The following BIRC6 variants were observed in gnomAD, a reference collection of about 807,000 sequenced individuals.
BIRC6 encodes dual E2 ubiquitin-conjugating enzyme/E3 ubiquitin-protein ligase BIRC6.
BIRC6 carries 98 observed loss-of-function variants against 503.3 expected under a neutral mutation model. That is an observed-to-expected ratio of 0.19 (90% CI 0.17 to 0.23). The LOEUF (loss-of-function observed/expected upper bound fraction) is 0.23, where lower values mean the gene tolerates loss of function less well. Ranked by LOEUF, BIRC6 falls within the 10% of genes least tolerant of loss-of-function variation. The pLI, the probability that BIRC6 is intolerant of heterozygous loss-of-function variation, is 1.00. For missense variants in BIRC6, 5,360 were observed against 5,806.0 expected (o/e 0.92, Z 2.50); for synonymous variants, 2,240 against 2,078.7 (o/e 1.08, Z -2.11).
At chr2:32,477,711 C>G in intron 35 of BIRC6, 128 bp downstream of exon 35, 1 of 374,392 alleles carries the variant, frequency 2.7e-6, no homozygotes, top group Non-Finnish European at 4.2e-6. Flanking sequence ...CTAGTGTGGG[C>G]AATGTGGCAA....
rs181614752 is a variant in BIRC6, at chr2:32,415,031, C to G, written c.1740C>G (p.Thr580=). 2 of 1,613,850 alleles carry G rather than the reference C, an allele frequency of 1.2e-6. No individual in the cohort carries two copies. The highest frequency in any genetic ancestry group is 2.2e-5 in the East Asian group (1 of 44,868). Residue 580 remains threonine, a synonymous_variant, in exon 10 of 74, where the codon ACC becomes ACG. Transcript: ENST00000421745. The part of the protein sequence containing the change: ...GGLLTYKSPA[T]SPISSNSHRS... ...TATTAACATATAAATCTCCTGCTAC[C>G]TCACCCATTAGTAGTAATTCTCACA...
rs1491325143 is a variant in BIRC6, at chr2:32,461,344, G to GTA, written c.4754-1849_4754-1848insAT. On this transcript the variant is annotated intron_variant, in intron 23 of 73. Coordinates refer to ENST00000421745, the MANE Select transcript of BIRC6 (RefSeq NM_016252.4). ...AGGCTTGTGCCACCATGCCTGGCTA[G>GTA]TGTGTGTGTGTGTGTGTGTGTGTGT... Among the ~76,000 whole-genome samples, 32 of 40,486 alleles carry GTA rather than the reference G, an allele frequency of 7.9e-4. 1 individual carries two copies. Among genetic ancestry groups the GTA allele is most frequent in the Admixed American group, 6.5e-3 (27 of 4,156 alleles). 26.6% of individuals were successfully genotyped at this position (40,486 alleles called of 152,430 possible).
Position 32,597,830 on chromosome 2 carries a change from A to G in BIRC6, c.13692A>G (p.Lys4564=), listed in dbSNP as rs2151467490. 1 of 1,613,832 alleles carries G rather than the reference A, an allele frequency of 6.2e-7. No homozygotes were observed. Among genetic ancestry groups the G allele is most frequent in the Non-Finnish European group, 8.5e-7 (1 of 1,179,766 alleles). ...ATTACCACTACATGTCTCAGGTGAA[A>G]AATGCTAATGATGCGAACAGTGCTG... ...KVNYHYMSQV[K]NANDANSAAR... is the part of the protein sequence containing the mutation. The change falls in exon 69 of 74, where the codon AAA becomes AAG. Residue 4564 remains lysine, a synonymous_variant. Coordinates refer to ENST00000421745, the MANE Select transcript of BIRC6 (RefSeq NM_016252.4).
At chr2:32,473,850 C>T (rs953355731) in intron 33 of BIRC6, among the ~76,000 whole-genome samples, 1 of 149,836 alleles carries the variant, frequency 6.7e-6, no homozygotes, top group African/African-American at 2.5e-5. Flanking sequence ...AATTCCTGGG[C>T]TCAAGCAGTC....
In BIRC6 at chr2:32,365,371, G is replaced by A. The variant is rs113889182; in HGVS notation, c.325+7885G>A. 3.5e-3 allele frequency among the ~76,000 whole-genome samples: 531 copies of A among 149,980 alleles called. 4 individuals are homozygous for A. Among genetic ancestry groups the A allele is most frequent in the African/African-American group, 0.012 (478 of 40,656 alleles). Reference sequence around the variant, plus strand: ...AGGTCGCCCTGTCGCCCAGGCTGGAGTGCAATGGCGCGATCTCAGCTCACT... The same window carrying A: ...AGGTCGCCCTGTCGCCCAGGCTGGAATGCAATGGCGCGATCTCAGCTCACT... On this transcript the variant is annotated intron_variant, in intron 1 of 73. Coordinates refer to ENST00000421745, the MANE Select transcript of BIRC6 (RefSeq NM_016252.4).
At chr2:32,386,829 T>C (rs1254562299) in intron 3 of BIRC6, among the ~76,000 whole-genome samples, 1 of 152,136 alleles carries the variant, frequency 6.6e-6, no homozygotes, top group African/African-American at 2.4e-5. Context: ...GAAGGAAAGT[T>C]CTAGGGGCTT....
Position 32,430,826 on chromosome 2 carries a change from T to TTC in BIRC6, c.3023-39_3023-38insTC, listed in dbSNP as rs1553421812. The TTC allele has an allele frequency of 2.7e-4, 250 of 939,226 alleles. 1 individual carries two copies. The highest frequency in any genetic ancestry group is 4.6e-4 in the African/African-American group (27 of 59,330). The allele number at this position is 939,226 out of a possible 1,614,324, so 58.2% of individuals were successfully genotyped here. On this transcript the variant is annotated intron_variant, in intron 11 of 73. Transcript: ENST00000421745. ...TCTTCTTTTTTTTTTTTTTTTTTTT[T>TTC]CCACACCTATTTCAAATACTGCTCT...
At chr2:32,561,001 C>T (rs2059136586) in intron 65 of BIRC6, among the ~76,000 whole-genome samples, 1 of 151,820 alleles carries the variant, frequency 6.6e-6, no homozygotes, top group Admixed American at 6.6e-5. Flanking sequence ...AGGTCGAGAC[C>T]AGCCTGGCCA....
intron 3 of BIRC6, among the ~76,000 whole-genome samples, chr2:32,382,116 A>G (rs952085746): frequency 1.3e-5 from 2 of 152,234 alleles, no homozygotes; most frequent in Admixed American, 6.5e-5. Context: ...AACTATAGGA[A>G]GCAGTTTTCA....
rs1414653535 is a variant in BIRC6 at position 32,531,271 on chromosome 2, G to T, written c.12095-84G>T. 2.5e-6 allele frequency: 3 copies of T among 1,195,246 alleles called. No individual in the cohort carries two copies. The East Asian group carries it at 7.6e-5, about 30-fold the overall frequency. The allele number at this position is 1,195,246 out of a possible 1,614,324, so 74.0% of individuals were successfully genotyped here. A position where few individuals can be genotyped will look rare whatever the true frequency, so the allele number is the denominator to read the frequency against. Reference sequence around the variant, plus strand: ...CTCTTTTTTGAGTAGCAAGAAAGCAGTAATACCTGCTTTTGTAAATGAAAG... The same window carrying T: ...CTCTTTTTTGAGTAGCAAGAAAGCATTAATACCTGCTTTTGTAAATGAAAG... On this transcript the variant is annotated intron_variant, in intron 60 of 73. Coordinates refer to ENST00000421745, the MANE Select transcript of BIRC6 (RefSeq NM_016252.4).
intron 61 of BIRC6, among the ~76,000 whole-genome samples, chr2:32,532,990 A>G (rs2056908277): frequency 6.6e-6 from 1 of 152,162 alleles, no homozygotes; most frequent in African/African-American, 2.4e-5. Flanking sequence ...TAAAAAAAAA[A>G]TCTAGATTAC....
chr2:32,375,586 C>T (rs777676564), intron 1 of BIRC6, among the ~76,000 whole-genome samples: 1 of 151,096 alleles, frequency 6.6e-6, no homozygotes, highest in African/African-American at 2.4e-5. Context: ...CATGCCAGGC[C>T]GAAAAAGCCA....
chr2:32,431,955 A>C (rs192963218), intron 12 of BIRC6, among the ~76,000 whole-genome samples: 1 of 152,334 alleles, frequency 6.6e-6, no homozygotes, highest in African/African-American at 2.4e-5. Context: ...AAAAAGAGAG[A>C]CAATGTGTAT....
chr2:32,478,642 C>G lies in BIRC6; in HGVS notation c.7076C>G (p.Ala2359Gly), dbSNP rs1485285053. ...DLLLFVCKVL[A>G]RIANATRPTI... ...TTATAAAATGTATTACAGGTTCTTG[C>G]ACGCATTGCAAATGCCACGAGGCCA... The change falls in exon 36 of 74, where the codon GCA becomes GGA. Residue 2359 changes from alanine to glycine, a missense_variant. Ala to Gly is a moderately conservative substitution (Grantham distance 60). Around this residue, in one of 16 missense-constraint regions of BIRC6, gnomAD observed 2,299 missense variants for 2,267.2 expected, o/e 1.01. Transcript: ENST00000421745. 6.2e-7 allele frequency: 1 copy of G among 1,610,018 alleles called. No individual in the cohort carries two copies. Among genetic ancestry groups the G allele is most frequent in the East Asian group, 2.2e-5 (1 of 44,844 alleles).
rs756266840 is a variant in BIRC6 at position 32,470,313 on chromosome 2, A to C, written c.6481+12A>C. 8.4e-6 allele frequency: 13 copies of C among 1,542,024 alleles called. No homozygotes were observed. In the South Asian group the frequency reaches 1.6e-4, roughly 19 times the overall value. ...TAGGAGGACAGAAGGTATTAAGAGAAAGCAGTGTTCTTTAGTAAAAACAAT... is the reference window on the plus strand; with the variant it reads ...TAGGAGGACAGAAGGTATTAAGAGACAGCAGTGTTCTTTAGTAAAAACAAT... On this transcript the variant is annotated intron_variant, in intron 31 of 73. Coordinates refer to ENST00000421745, the MANE Select transcript of BIRC6 (RefSeq NM_016252.4).
intron 73 of BIRC6, 70 bp from the exon 74 acceptor site, chr2:32,617,655 A>C (rs1439540419): frequency 1.4e-6 from 2 of 1,459,714 alleles, no homozygotes; most frequent in East Asian, 4.7e-5. Flanking sequence ...GTTGAAATTC[A>C]GTTCCTGCCT....
At chr2:32,468,221 C>A (rs1043286687) in intron 28 of BIRC6, 110 bp downstream of exon 28, 27 of 1,171,958 alleles carry the variant, frequency 2.3e-5, no homozygotes, top group Non-Finnish European at 3.0e-5. Flanking sequence ...GATAAGAGAG[C>A]AAGAGGAAGT....
At chr2:32,615,144 A>G (rs1015636131) in intron 73 of BIRC6, among the ~76,000 whole-genome samples, 1 of 152,094 alleles carries the variant, frequency 6.6e-6, no homozygotes, top group African/African-American at 2.4e-5. Flanking sequence ...TTCACTCACT[A>G]TCTCAGGACA....
rs549427402 is a variant in BIRC6, at chr2:32,594,952, G to A, written c.13502-82G>A. ...TTTGGAATTCACAATTTGAACTCTA[G>A]AGGTGAATTCTTTTTAGTTTTATTT... On this transcript the variant is annotated intron_variant, in intron 67 of 73. Transcript: ENST00000421745. The A allele has an allele frequency of 9.0e-5, 77 of 852,798 alleles. 1 individual carries two copies. In the East Asian group the frequency reaches 2.1e-3, roughly 23 times the overall value. 52.8% of individuals were successfully genotyped at this position (852,798 alleles called of 1,614,324 possible).
Sources: gnomAD v4.1 joint callset for allele counts (sites outside exome capture counted in the v4.1 genomes callset) on GRCh38, gnomAD v4.1.1 for gene constraint, gnomAD v4.1.1 regional missense constraint, MANE v1.5 for transcripts, NCBI Gene and HGNC (gene_info 2026-07-23, HGNC 2026-07-21) for gene names.